Variants in GMFB observed in about 807,000 individuals in gnomAD.
The protein encoded by GMFB is GMF-beta.
In GMFB, 13 loss-of-function variants were observed where a neutral mutation model predicts 25.6. The observed-to-expected ratio is 0.51, with a 90% CI of 0.33 to 0.81. The LOEUF is 0.81. Ranked by LOEUF, GMFB falls within the 30% of genes least tolerant of loss-of-function variation. The pLI, the probability that GMFB is intolerant of heterozygous loss-of-function variation, is 0.02. For missense variants in GMFB, 146 were observed against 175.4 expected (o/e 0.83, Z 0.95); for synonymous variants, 57 against 56.9 (o/e 1.00, Z 0.00).
In GMFB at chr14:54,477,852, C is replaced by T. The variant is rs1339505172; in HGVS notation, c.*236G>A. ...ATTAGTCACAAGAGTGCAAAAAGTC[C>T]CTGGAGAAAAGTAGTCCACCTAACA... On this transcript the variant is annotated 3_prime_UTR_variant, in exon 7 of 7. Coordinates refer to ENST00000358056, the MANE Select transcript of GMFB (RefSeq NM_004124.3). The T allele has an allele frequency of 1.1e-5, 4 of 353,298 alleles. No homozygotes were observed. The highest frequency in any genetic ancestry group is 6.4e-5 in the African/African-American group (3 of 46,902). The allele number at this position is 353,298 out of a possible 1,614,324, so 21.9% of individuals were successfully genotyped here.
At position 54,477,968 on chromosome 14, in the gene GMFB, C is replaced by A; in HGVS notation, c.*120G>T. The A allele has an allele frequency of 2.0e-6, 1 of 504,778 alleles. No homozygotes were observed. Among genetic ancestry groups the A allele is most frequent in the Non-Finnish European group, 3.6e-6 (1 of 278,996 alleles). 31.3% of individuals were successfully genotyped at this position (504,778 alleles called of 1,614,324 possible). A position where few individuals can be genotyped will look rare whatever the true frequency, so the allele number is the denominator to read the frequency against. Reference sequence around the variant, plus strand: ...AATTTTGCACAAATGAAGAATTTTTCTTTACTGCAGGAAACAAACTGTAAG... The same window carrying A: ...AATTTTGCACAAATGAAGAATTTTTATTTACTGCAGGAAACAAACTGTAAG... On this transcript the variant is annotated 3_prime_UTR_variant, in exon 7 of 7. Coordinates refer to ENST00000358056, the MANE Select transcript of GMFB (RefSeq NM_004124.3).
intron 1 of GMFB, chr14:54,488,668 G>A (rs992853382): frequency 2.5e-5 from 11 of 435,892 alleles, no homozygotes; most frequent in Non-Finnish European, 4.1e-5. Context: ...CAACCCCCCT[G>A]CTCGTGGCCG....
At chr14:54,482,223 G>T (rs777998302) in intron 2 of GMFB, 21 bp from the exon 3 acceptor site, 3 of 1,550,806 alleles carry the variant, frequency 1.9e-6, no homozygotes, top group Non-Finnish European at 1.8e-6. Context: ...AATCAAGTAT[G>T]AGTAAGCTGG....
rs2031661787 is a variant in GMFB, at chr14:54,477,983, C to A, written c.*105G>T. On this transcript the variant is annotated 3_prime_UTR_variant, in exon 7 of 7. Coordinates refer to ENST00000358056, the MANE Select transcript of GMFB (RefSeq NM_004124.3). The stretch of plus-strand genomic sequence containing the variant: ...AAGAATTTTTCTTTACTGCAGGAAA[C>A]AAACTGTAAGTAACAGTGCATTTTT... 1.9e-6 allele frequency: 1 copy of A among 538,182 alleles called. No homozygotes were observed. The highest frequency in any genetic ancestry group is 3.0e-5 in the South Asian group (1 of 33,894). The allele number at this position is 538,182 out of a possible 1,614,324, so 33.3% of individuals were successfully genotyped here. A position where few individuals can be genotyped will look rare whatever the true frequency, so the allele number is the denominator to read the frequency against.
chr14:54,484,244 T>C (rs979732791), intron 1 of GMFB, among the ~76,000 whole-genome samples: 3 of 152,050 alleles, frequency 2.0e-5, no homozygotes, highest in African/African-American at 7.2e-5. Flanking sequence ...GCAACAAAAG[T>C]GTTAAAAACC....
Position 54,477,374 on chromosome 14 carries a change from T to C in GMFB, c.*714A>G, listed in dbSNP as rs1177743143. The stretch of plus-strand genomic sequence containing the variant: ...ATAAATAAAGTGTTATTAACCTAGA[T>C]TCAAAACTGTCTAGAAATGACATAA... On this transcript the variant is annotated 3_prime_UTR_variant, in exon 7 of 7. Coordinates refer to ENST00000358056, the MANE Select transcript of GMFB (RefSeq NM_004124.3). 1 of 152,428 alleles carries C rather than the reference T, an allele frequency of 6.6e-6. No individual in the cohort carries two copies. The highest frequency in any genetic ancestry group is 2.4e-5 in the African/African-American group (1 of 41,450). The allele number at this position is 152,428 out of a possible 1,614,324, so 9.4% of individuals were successfully genotyped here.
intron 1 of GMFB, 180 bp downstream of exon 1, chr14:54,488,745 C>T (rs1270106819): frequency 3.8e-6 from 2 of 526,176 alleles, no homozygotes; most frequent in Non-Finnish European, 6.5e-6. Context: ...TGCCCTGAGG[C>T]GTGGTGGCGG....
chr14:54,483,760 G>A lies in GMFB; in HGVS notation c.11C>T (p.Ser4Phe), dbSNP rs1379634201. The change falls in exon 2 of 7, where the codon TCT becomes TTT. Residue 4 changes from serine to phenylalanine, a missense_variant. Ser to Phe is a radical substitution (Grantham distance 155). Transcript: ENST00000358056. MSE[S>F]LVVCDVAEDL... ...TTCGGCAACATCACAAACAACCAAAGACTCACTCTATAAAAGAAAAAAAAC... is the reference window on the plus strand; with the variant it reads ...TTCGGCAACATCACAAACAACCAAAAACTCACTCTATAAAAGAAAAAAAAC... 3 of 1,590,886 alleles carry A rather than the reference G, an allele frequency of 1.9e-6. No homozygotes were observed. Among genetic ancestry groups the A allele is most frequent in the African/African-American group, 2.7e-5 (2 of 74,170 alleles).
At chr14:54,488,864 G>A in intron 1 of GMFB, 61 bp downstream of exon 1, 1 of 1,486,006 alleles carries the variant, frequency 6.7e-7, no homozygotes. Context: ...CGGAAACCGG[G>A]AAAACCCGGC....
At chr14:54,482,899 TTTTA>T (rs1301219330) in intron 2 of GMFB, among the ~76,000 whole-genome samples, 2 of 150,280 alleles carry the variant, frequency 1.3e-5, no homozygotes, top group African/African-American at 4.9e-5. Context: ...ACATTTTCAC[TTTTA>T]TTTTTTTTTC....
intron 3 of GMFB, among the ~76,000 whole-genome samples, chr14:54,481,724 A>T: frequency 6.6e-6 from 1 of 152,176 alleles, no homozygotes; most frequent in East Asian, 1.9e-4. Context: ...CCCAGCTGTC[A>T]GGAAATACTG....
intron 3 of GMFB, 86 bp from the exon 4 acceptor site, chr14:54,481,544 G>A (rs2031711519): frequency 3.7e-6 from 3 of 805,784 alleles, no homozygotes; most frequent in African/African-American, 1.7e-5. Flanking sequence ...TCTACTAACA[G>A]TTATAAATTT....
At position 54,478,040 on chromosome 14, in the gene GMFB, G is replaced by C. The variant is rs1420824747; in HGVS notation, c.*48C>G. On this transcript the variant is annotated 3_prime_UTR_variant, in exon 7 of 7. Coordinates refer to ENST00000358056, the MANE Select transcript of GMFB (RefSeq NM_004124.3). ...AAATAAGTATTTATGTCTGATTCCAGTATGGTCAGGTTAATACATAAATAC... is the reference window on the plus strand; with the variant it reads ...AAATAAGTATTTATGTCTGATTCCACTATGGTCAGGTTAATACATAAATAC... The C allele has an allele frequency of 1.3e-6, 1 of 762,598 alleles. No individual in the cohort carries two copies. Among genetic ancestry groups the C allele is most frequent in the Non-Finnish European group, 2.1e-6 (1 of 472,442 alleles). The allele number at this position is 762,598 out of a possible 1,614,324, so 47.2% of individuals were successfully genotyped here. A position where few individuals can be genotyped will look rare whatever the true frequency, so the allele number is the denominator to read the frequency against.
chr14:54,480,104 C>T, intron 5 of GMFB: 1 of 379,182 alleles, frequency 2.6e-6, no homozygotes, highest in Non-Finnish European at 4.8e-6. Context: ...ATTTGTAGAT[C>T]CTGACTTTTA....
intron 1 of GMFB, among the ~76,000 whole-genome samples, chr14:54,487,089 T>C (rs111294485): frequency 2.3e-4 from 35 of 152,262 alleles, no homozygotes; most frequent in African/African-American, 8.4e-4. Context: ...TAACTAAATA[T>C]TGAAATATTA....
chr14:54,482,096 C>G, intron 3 of GMFB, 57 bp downstream of exon 3: 1 of 1,115,356 alleles, frequency 9.0e-7, no homozygotes, highest in Non-Finnish European at 1.4e-6. Flanking sequence ...AATATAGCAT[C>G]TTTTGAGAAA....
At chr14:54,478,362 T>C (rs1228470684) in intron 6 of GMFB, 4 of 348,066 alleles carry the variant, frequency 1.1e-5, no homozygotes, top group Admixed American at 4.7e-5. Flanking sequence ...AGGTAGAACT[T>C]CACTTCTTTT....
intron 5 of GMFB, 94 bp from the exon 6 acceptor site, chr14:54,479,953 A>T (rs2031689301): frequency 2.7e-6 from 2 of 748,964 alleles, no homozygotes; most frequent in Non-Finnish European, 4.7e-6. Flanking sequence ...CACATTTAGG[A>T]TTTCCTTTGC....
At position 54,488,909 on chromosome 14, in the gene GMFB, C is replaced by A; in HGVS notation, c.3+16G>T. On this transcript the variant is annotated intron_variant, in intron 1 of 6. Coordinates refer to ENST00000358056, the MANE Select transcript of GMFB (RefSeq NM_004124.3). Reference sequence around the variant, plus strand: ...CGCCCAGCCCTCCGGCCCCCGCCCTCCCAGCGGCAACTCACCATTTTCCTT... The same window carrying A: ...CGCCCAGCCCTCCGGCCCCCGCCCTACCAGCGGCAACTCACCATTTTCCTT... 6.4e-7 allele frequency: 1 copy of A among 1,561,598 alleles called. No homozygotes were observed. Among genetic ancestry groups the A allele is most frequent in the Non-Finnish European group, 8.6e-7 (1 of 1,157,390 alleles).
Sources: allele counts gnomAD v4.1 joint callset (sites outside exome capture counted in the v4.1 genomes callset), GRCh38; gene constraint gnomAD v4.1.1; transcripts MANE v1.5; gene names NCBI Gene and HGNC (gene_info 2026-07-23, HGNC 2026-07-21).